The following MYO1E variants were observed in gnomAD, a reference collection of about 807,000 sequenced individuals.
MYO1E encodes unconventional myosin-Ie.
A neutral mutation model predicts 151.1 loss-of-function variants in MYO1E; 68 were observed. The ratio of observed to expected loss-of-function variants is 0.45; its 90% CI spans 0.37 to 0.55. The LOEUF is 0.55. Ranked by LOEUF, MYO1E falls within the 20% of genes least tolerant of loss-of-function variation. MYO1E has a pLI of 0.00. For missense variants in MYO1E, 1,363 were observed against 1,389.3 expected (o/e 0.98, Z 0.30); for synonymous variants, 601 against 501.7 (o/e 1.20, Z -2.64).
At chr15:59,275,584 T>C (rs1367280325) in intron 1 of MYO1E, among the ~76,000 whole-genome samples, 1 of 152,132 alleles carries the variant, frequency 6.6e-6, no homozygotes, top group African/African-American at 2.4e-5. Flanking sequence ...GTAACTTCTG[T>C]CTTTAGTGAC....
In MYO1E at chr15:59,311,511, G is replaced by A. The variant is rs535502028; in HGVS notation, c.4-39062C>T. On this transcript the variant is annotated intron_variant, in intron 1 of 27. Transcript: ENST00000288235. ...GGGGTTGGGGACCCCTGCTCTAGAA[G>A]ACCAGAAGTTTGGGCAGTTCTGAAG... Among the ~76,000 whole-genome samples, 17 of 152,230 alleles carry A rather than the reference G, an allele frequency of 1.1e-4. No homozygotes were observed. In the South Asian group the frequency reaches 2.7e-3, roughly 24 times the overall value.
chr15:59,353,494 C>T (rs1384556812), intron 1 of MYO1E, among the ~76,000 whole-genome samples: 1 of 151,896 alleles, frequency 6.6e-6, no homozygotes, highest in Non-Finnish European at 1.5e-5. Context: ...CGGTGGCTCA[C>T]ACCTGTAATC....
chr15:59,289,716 G>C lies in MYO1E; in HGVS notation c.4-17267C>G, dbSNP rs188111531. ...GCTGTCATCTAGTTAGAGATCTCTG[G>C]CTGTAGCATTTCAAGGTGTTCCTTC... On this transcript the variant is annotated intron_variant, in intron 1 of 27. Transcript: ENST00000288235. 2.0e-5 allele frequency among the ~76,000 whole-genome samples: 3 copies of C among 152,312 alleles called. No homozygotes were observed. In the East Asian group the frequency reaches 5.8e-4, roughly 29 times the overall value.
chr15:59,221,964 T>C (rs748949512), intron 9 of MYO1E, among the ~76,000 whole-genome samples: 2 of 152,250 alleles, frequency 1.3e-5, no homozygotes, highest in Non-Finnish European at 2.9e-5. Context: ...ATTTGTTAAA[T>C]GTCAAGGATA....
At chr15:59,178,713 G>A (rs926129697) in intron 18 of MYO1E, among the ~76,000 whole-genome samples, 176 bp from the exon 19 acceptor site, 3 of 152,212 alleles carry the variant, frequency 2.0e-5, no homozygotes, top group Non-Finnish European at 2.9e-5. Context: ...CAAAAATCCC[G>A]AGTCTGGGAT....
chr15:59,257,157 C>A (rs552709403), intron 3 of MYO1E, among the ~76,000 whole-genome samples: 1 of 152,226 alleles, frequency 6.6e-6, no homozygotes, highest in Non-Finnish European at 1.5e-5. Flanking sequence ...ACCTTTACCA[C>A]AACCTCAAAA....
At chr15:59,208,035 GA>G in intron 14 of MYO1E, 3 of 1,587,616 alleles carry the variant, frequency 1.9e-6, no homozygotes, top group Non-Finnish European at 2.6e-6. Flanking sequence ...AGGCCCATCT[GA>G]AAAAAAGTGC....
At chr15:59,242,183 T>C (rs1049927111) in intron 4 of MYO1E, among the ~76,000 whole-genome samples, 3 of 152,238 alleles carry the variant, frequency 2.0e-5, no homozygotes, top group Non-Finnish European at 2.9e-5. Flanking sequence ...ACAACTGATA[T>C]ATTATTTACT....
intron 6 of MYO1E, among the ~76,000 whole-genome samples, chr15:59,230,721 T>G (rs1392513833): frequency 6.6e-6 from 1 of 152,246 alleles, no homozygotes; most frequent in Non-Finnish European, 1.5e-5. Context: ...ACTTGACAGT[T>G]ATTATATGAG....
At chr15:59,288,319 G>C (rs1404202013) in intron 1 of MYO1E, among the ~76,000 whole-genome samples, 1 of 152,144 alleles carries the variant, frequency 6.6e-6, no homozygotes, top group Admixed American at 6.5e-5. Context: ...GGGACTACAG[G>C]TGTGTGCCAC....
At chr15:59,345,953 C>G (rs1028480425) in intron 1 of MYO1E, among the ~76,000 whole-genome samples, 7 of 152,228 alleles carry the variant, frequency 4.6e-5, no homozygotes, top group Admixed American at 2.6e-4. Flanking sequence ...AAAAGACTTT[C>G]AAATGCAGCT....
chr15:59,302,034 G>A (rs986718630), intron 1 of MYO1E, among the ~76,000 whole-genome samples: 2 of 152,022 alleles, frequency 1.3e-5, no homozygotes, highest in South Asian at 2.1e-4. Context: ...AGGTAGGTTC[G>A]TCCCCTGCCT....
chr15:59,142,002 G>A (rs2079412904), intron 26 of MYO1E, among the ~76,000 whole-genome samples: 1 of 151,678 alleles, frequency 6.6e-6, no homozygotes, highest in Admixed American at 6.6e-5. Flanking sequence ...AGCTATTCGG[G>A]AGGCTGAGGC....
chr15:59,138,963 C>T (rs749119596), intron 26 of MYO1E, among the ~76,000 whole-genome samples: 18 of 152,210 alleles, frequency 1.2e-4, no homozygotes, highest in Non-Finnish European at 1.6e-4. Flanking sequence ...CTGCAGCTAT[C>T]GTTCCTTCAC....
intron 2 of MYO1E, chr15:59,266,670 T>TTTTC (rs2080255796): frequency 6.7e-6 from 1 of 149,774 alleles, no homozygotes; most frequent in South Asian, 2.1e-4. Context: ...GTTCTTTTTT[T>TTTTC]TTTTTTTTTT....
At position 59,202,660 on chromosome 15, in the gene MYO1E, A is replaced by T. The variant is rs4775127; in HGVS notation, c.1617-253T>A. Among the ~76,000 whole-genome samples, 149,429 of 152,324 alleles carry T rather than the reference A, an allele frequency of 0.98. 73,360 individuals carry two copies. Among genetic ancestry groups the T allele is most frequent in the East Asian group, 1 (5,177 of 5,178 alleles). On this transcript the variant is annotated intron_variant, in intron 15 of 27. Coordinates refer to ENST00000288235, the MANE Select transcript of MYO1E (RefSeq NM_004998.4). ...AGACTGCAAAATAAATTTTAAAACA[A>T]TGCCTTTCCAACGTCCCTAGTCACA... is the stretch of plus-strand genomic sequence containing the variant.
chr15:59,150,581 C>T (rs372219229), intron 26 of MYO1E, among the ~76,000 whole-genome samples: 2 of 152,182 alleles, frequency 1.3e-5, no homozygotes, highest in Admixed American at 6.5e-5. Flanking sequence ...TTTGAGGCAT[C>T]AAACTGGGCC....
At chr15:59,178,638 G>T in intron 18 of MYO1E, 101 bp from the exon 19 acceptor site, 1 of 1,437,116 alleles carries the variant, frequency 7.0e-7, no homozygotes, top group Non-Finnish European at 9.5e-7. Flanking sequence ...GGTGCCCAGT[G>T]CTGCAAAGTT....
chr15:59,204,196 G>T (rs999140), intron 15 of MYO1E, among the ~76,000 whole-genome samples: 45,570 of 152,104 alleles, frequency 0.3, 7,338 homozygotes, highest in East Asian at 0.58. Context: ...TGTATGTTTT[G>T]AATAAAAAGA....
Sources: gnomAD v4.1 joint callset for allele counts (sites outside exome capture counted in the v4.1 genomes callset) on GRCh38, gnomAD v4.1.1 for gene constraint, MANE v1.5 for transcripts, NCBI Gene and HGNC (gene_info 2026-07-23, HGNC 2026-07-21) for gene names.